Variants in JARID2 observed in about 807,000 individuals in gnomAD.
The protein encoded by JARID2 is jumonji and AT-rich interaction domain containing 2.
Under a neutral mutation model 125.6 loss-of-function variants are expected in JARID2, and 21 were observed. That is an observed-to-expected ratio of 0.17 (90% CI 0.12 to 0.24). The LOEUF (loss-of-function observed/expected upper bound fraction) is 0.24. JARID2 is among the 10% of genes least tolerant of loss of function. JARID2 has a pLI of 1.00. For synonymous variants in JARID2, 736 were observed against 661.6 expected, an observed-to-expected ratio of 1.11 and a Z score of -1.73; for missense variants, 1,303 against 1,639.6, an observed-to-expected ratio of 0.79 and a Z score of 3.55.
At chr6:15,390,894 G>A (rs748741804) in intron 2 of JARID2, among the ~76,000 whole-genome samples, 6 of 152,154 alleles carry the variant, frequency 3.9e-5, no homozygotes, top group Non-Finnish European at 7.4e-5. Context: ...CGACAAACTT[G>A]ATACCACCAT....
intron 1 of JARID2, among the ~76,000 whole-genome samples, chr6:15,285,163 TGCAATG>T (rs1364153164): frequency 3.5e-5 from 5 of 142,914 alleles, no homozygotes; most frequent in Non-Finnish European, 5.9e-5. Context: ...CAGACTGGAG[TGCAATG>T]GCACGATCTT....
rs758412311 is a variant in JARID2, at chr6:15,504,605, G to A, written c.2541+13G>A. On this transcript the variant is annotated intron_variant, in intron 9 of 17. Coordinates refer to ENST00000341776, the MANE Select transcript of JARID2 (RefSeq NM_004973.4). ...AGCCGAAATCGAGGTGAGAGAAGGG[G>A]CCCCTCACGCTGCCTCTCATGGTGT... The A allele has an allele frequency of 1.3e-6, 2 of 1,573,706 alleles. No individual in the cohort carries two copies. Among genetic ancestry groups the A allele is most frequent in the Non-Finnish European group, 1.7e-6 (2 of 1,143,160 alleles).
intron 5 of JARID2, among the ~76,000 whole-genome samples, chr6:15,482,687 T>C (rs1769678656): frequency 6.6e-6 from 1 of 152,218 alleles, no homozygotes; most frequent in African/African-American, 2.4e-5. Flanking sequence ...TGTATGTACA[T>C]GGGAAACGGT....
At chr6:15,376,751 A>G (rs1764369454) in intron 2 of JARID2, among the ~76,000 whole-genome samples, 1 of 152,182 alleles carries the variant, frequency 6.6e-6, no homozygotes, top group East Asian at 1.9e-4. Flanking sequence ...CAAGGCAGCT[A>G]CCATCTTAAA....
rs1771829270 is a variant in JARID2 at position 15,521,162 on chromosome 6, C to T, written c.*911C>T. 1 of 159,526 alleles carries T rather than the reference C, an allele frequency of 6.3e-6. No individual in the cohort carries two copies. Among genetic ancestry groups the T allele is most frequent in the Non-Finnish European group, 1.4e-5 (1 of 72,532 alleles). The allele number at this position is 159,526 out of a possible 1,614,324, so 9.9% of individuals were successfully genotyped here. ...GTGCAATCTTTCTAACATTCCATCT[C>T]CATCTCACCGCTTCTTGTTTGACAC... is the stretch of plus-strand genomic sequence containing the variant. On this transcript the variant is annotated 3_prime_UTR_variant, in exon 18 of 18. Coordinates refer to ENST00000341776, the MANE Select transcript of JARID2 (RefSeq NM_004973.4).
chr6:15,346,198 A>T (rs972443329), intron 1 of JARID2, among the ~76,000 whole-genome samples: 8 of 152,200 alleles, frequency 5.3e-5, no homozygotes, highest in African/African-American at 1.9e-4. Context: ...CTTCCCAAAG[A>T]TCCTGGCTTC....
intron 1 of JARID2, among the ~76,000 whole-genome samples, chr6:15,279,369 T>G (rs577371179): frequency 6.6e-6 from 1 of 152,314 alleles, no homozygotes; most frequent in African/African-American, 2.4e-5. Context: ...TGCCCACTAG[T>G]TTGATTTTGT....
In JARID2 at chr6:15,411,399, C is replaced by T. The variant is rs1372445377; in HGVS notation, c.323+1034C>T. Reference sequence around the variant, plus strand: ...AGCTCAAAGTCTTTATTTTCTCCATCATGAGGGTGTCGTCTTTTAAATAGC... The same window carrying T: ...AGCTCAAAGTCTTTATTTTCTCCATTATGAGGGTGTCGTCTTTTAAATAGC... On this transcript the variant is annotated intron_variant, in intron 3 of 17. Coordinates refer to ENST00000341776, the MANE Select transcript of JARID2 (RefSeq NM_004973.4). Among the ~76,000 whole-genome samples the T allele has an allele frequency of 2.0e-5, 3 of 152,210 alleles. No individual in the cohort carries two copies. The East Asian group carries it at 5.8e-4, about 29-fold the overall frequency.
intron 1 of JARID2, among the ~76,000 whole-genome samples, chr6:15,259,628 T>C (rs750686354): frequency 1.3e-5 from 2 of 152,224 alleles, no homozygotes; most frequent in Non-Finnish European, 2.9e-5. Context: ...TTGCTAGGGC[T>C]CGCTCATCTG....
intron 2 of JARID2, among the ~76,000 whole-genome samples, chr6:15,409,986 T>G (rs1355661693): frequency 6.6e-6 from 1 of 152,240 alleles, no homozygotes; most frequent in Admixed American, 6.5e-5. Context: ...GTTCCAAATT[T>G]CTGCTCAAAT....
At chr6:15,492,283 A>G (rs186888112) in intron 6 of JARID2, among the ~76,000 whole-genome samples, 14 of 152,358 alleles carry the variant, frequency 9.2e-5, no homozygotes, top group South Asian at 2.1e-4. Flanking sequence ...TTGTCATTCA[A>G]TGGAGGGTCC....
chr6:15,488,894 C>T (rs1770010924), intron 6 of JARID2, among the ~76,000 whole-genome samples: 1 of 152,170 alleles, frequency 6.6e-6, no homozygotes, highest in South Asian at 2.1e-4. Flanking sequence ...AATTGGGCCA[C>T]ACCATGTGCT....
chr6:15,261,005 G>A (rs1330466841), intron 1 of JARID2, among the ~76,000 whole-genome samples: 1 of 152,130 alleles, frequency 6.6e-6, no homozygotes, highest in African/African-American at 2.4e-5. Flanking sequence ...ATTTATTGGA[G>A]CATTAGGCAA....
At chr6:15,436,651 C>T (rs1164138517) in intron 3 of JARID2, among the ~76,000 whole-genome samples, 15 of 152,100 alleles carry the variant, frequency 9.9e-5, no homozygotes, top group Admixed American at 9.2e-4. Context: ...CCCCACCTTC[C>T]CTATCATTTA....
intron 2 of JARID2, among the ~76,000 whole-genome samples, chr6:15,380,235 A>G (rs771851422): frequency 1.5e-4 from 23 of 152,004 alleles, no homozygotes; most frequent in Non-Finnish European, 2.4e-4. Flanking sequence ...GGGTTTCACC[A>G]TGTTGGCCAG....
intron 1 of JARID2, among the ~76,000 whole-genome samples, chr6:15,272,124 C>T (rs1486005659): frequency 1.3e-5 from 2 of 151,912 alleles, no homozygotes; most frequent in Non-Finnish European, 2.9e-5. Flanking sequence ...GACTCTGTCT[C>T]AAAAAAACGA....
At chr6:15,502,669 C>T (rs1440271157) in intron 8 of JARID2, among the ~76,000 whole-genome samples, 1 of 152,224 alleles carries the variant, frequency 6.6e-6, no homozygotes, top group Non-Finnish European at 1.5e-5. Context: ...AGTCCAGGCC[C>T]TGCAGACCCG....
chr6:15,271,850 A>T (rs1760309380), intron 1 of JARID2, among the ~76,000 whole-genome samples: 1 of 152,194 alleles, frequency 6.6e-6, no homozygotes, highest in Non-Finnish European at 1.5e-5. Context: ...AAATATAAAA[A>T]GTAGCTGGGC....
intron 2 of JARID2, among the ~76,000 whole-genome samples, chr6:15,405,370 A>T (rs1332713750): frequency 6.6e-6 from 1 of 152,198 alleles, no homozygotes; most frequent in Non-Finnish European, 1.5e-5. Flanking sequence ...CGGCTGCACA[A>T]ATGGACACTG....
Sources: allele counts gnomAD v4.1 joint callset (sites outside exome capture counted in the v4.1 genomes callset), GRCh38; gene constraint gnomAD v4.1.1; transcripts MANE v1.5; gene names NCBI Gene and HGNC (gene_info 2026-07-23, HGNC 2026-07-21).